Variants in TENM4 observed in about 807,000 individuals in gnomAD.
The protein encoded by TENM4 is teneurin transmembrane protein 4, also known as teneurin-4.
A neutral mutation model predicts 243.3 loss-of-function variants in TENM4; 82 were observed. The observed-to-expected ratio is 0.34, with a 90% CI of 0.28 to 0.40. TENM4 has a LOEUF of 0.40. Among genes scored for constraint, TENM4 ranks in the 10% least tolerant of loss-of-function variants. TENM4 has a pLI of 1.00. For missense variants in TENM4, 3,138 were observed against 3,673.3 expected (o/e 0.85, Z 3.77); for synonymous variants, 1,412 against 1,456.3 (o/e 0.97, Z 0.69).
intron 6 of TENM4, among the ~76,000 whole-genome samples, chr11:79,054,502 C>CT (rs35951915): frequency 0.021 from 3,042 of 144,028 alleles, 41 homozygotes; most frequent in Non-Finnish European, 0.03. Context: ...CAGGTACCAT[C>CT]TTTTTTTTTT....
intron 6 of TENM4, among the ~76,000 whole-genome samples, chr11:78,962,370 C>A (rs1857346243): frequency 6.9e-6 from 1 of 145,196 alleles, no homozygotes; most frequent in Non-Finnish European, 1.5e-5. Flanking sequence ...ACCACAAAGA[C>A]AAACACAGAC....
At chr11:79,143,162 G>A (rs185611880) in intron 4 of TENM4, among the ~76,000 whole-genome samples, 5 of 152,032 alleles carry the variant, frequency 3.3e-5, no homozygotes, top group South Asian at 2.1e-4. Context: ...TTGACCCAGC[G>A]ATCCCATTAC....
At chr11:78,821,101 C>A (rs2136122099) in intron 12 of TENM4, among the ~76,000 whole-genome samples, 1 of 152,324 alleles carries the variant, frequency 6.6e-6, no homozygotes, top group South Asian at 2.1e-4. Flanking sequence ...TCTGTGCCAA[C>A]ATTTGAATTG....
chr11:78,706,503 C>G (rs1859252824), intron 27 of TENM4, among the ~76,000 whole-genome samples: 1 of 152,156 alleles, frequency 6.6e-6, no homozygotes, highest in Non-Finnish European at 1.5e-5. Context: ...GCCAGTGACA[C>G]CTGCGCAAAT....
At chr11:78,810,791 G>A (rs553552) in intron 14 of TENM4, among the ~76,000 whole-genome samples, 111,926 of 152,058 alleles carry the variant, frequency 0.74, 42,495 homozygotes, top group Non-Finnish European at 0.84. Flanking sequence ...TGACGCCTGG[G>A]AGAGGGCTCT....
intron 4 of TENM4, among the ~76,000 whole-genome samples, chr11:79,138,331 T>TATATATATATATA (rs1555015535): frequency 3.9e-5 from 3 of 76,132 alleles, no homozygotes; most frequent in African/African-American, 1.9e-4. Context: ...ATATATATAT[T>TATATATATATATA]ATATATATAA....
intron 9 of TENM4, among the ~76,000 whole-genome samples, chr11:78,875,169 C>A (rs150993130): frequency 3.3e-5 from 5 of 152,280 alleles, no homozygotes; most frequent in African/African-American, 1.2e-4. Flanking sequence ...GCACAGTACA[C>A]GGGGCAGGAC....
At chr11:78,992,552 T>G (rs1333701251) in intron 6 of TENM4, among the ~76,000 whole-genome samples, 2 of 152,204 alleles carry the variant, frequency 1.3e-5, no homozygotes, top group Non-Finnish European at 2.9e-5. Flanking sequence ...TGGTGGTATG[T>G]GAACTCATTT....
At chr11:79,338,555 G>A (rs1857190948) in intron 1 of TENM4, among the ~76,000 whole-genome samples, 4 of 152,198 alleles carry the variant, frequency 2.6e-5, no homozygotes. Flanking sequence ...CAGAGCAGGT[G>A]GAAAGTTGAC....
intron 30 of TENM4, among the ~76,000 whole-genome samples, chr11:78,673,811 G>A (rs1407022216): frequency 2.0e-5 from 3 of 152,170 alleles, no homozygotes; most frequent in Non-Finnish European, 4.4e-5. Context: ...AAATTCTAAG[G>A]CCTTGAAAAT....
intron 1 of TENM4, among the ~76,000 whole-genome samples, chr11:79,388,592 C>A (rs191060283): frequency 2.6e-5 from 4 of 152,300 alleles, no homozygotes; most frequent in African/African-American, 9.6e-5. Flanking sequence ...TGCACACAGG[C>A]AGGAGTTCCT....
At chr11:78,711,665 C>T (rs78371004) in intron 26 of TENM4, among the ~76,000 whole-genome samples, 1 of 152,270 alleles carries the variant, frequency 6.6e-6, no homozygotes, top group East Asian at 1.9e-4. Context: ...GGGGCTGAGA[C>T]ACTGTAAATC....
At chr11:79,000,225 A>T (rs989837122) in intron 6 of TENM4, among the ~76,000 whole-genome samples, 8 of 152,222 alleles carry the variant, frequency 5.3e-5, no homozygotes, top group Non-Finnish European at 1.0e-4. Flanking sequence ...CTGCTAGGAG[A>T]CCTGCCTCAC....
intron 1 of TENM4, among the ~76,000 whole-genome samples, chr11:79,298,241 ACCT>A (rs1379938191): frequency 2.0e-5 from 3 of 152,228 alleles, no homozygotes; most frequent in Middle Eastern, 3.4e-3. Context: ...AGGTTCAGTT[ACCT>A]CATATGAAAA....
chr11:78,702,863 A>T (rs1037881065), intron 27 of TENM4, among the ~76,000 whole-genome samples: 1 of 152,190 alleles, frequency 6.6e-6, no homozygotes, highest in African/African-American at 2.4e-5. Context: ...GGAAAGGCAG[A>T]TGGAGTCTGG....
Position 78,935,529 on chromosome 11 carries a change from A to C in TENM4, c.494-32006T>G, listed in dbSNP as rs551571860. On this transcript the variant is annotated intron_variant, in intron 6 of 33. Transcript: ENST00000278550. ...AATTGTACCAAAGCTAATCGGCCAA[A>C]TGAATCTGTTTAACTATACAGTTCC... 2.0e-5 allele frequency among the ~76,000 whole-genome samples: 3 copies of C among 152,318 alleles called. No individual in the cohort carries two copies. In the East Asian group the frequency reaches 5.8e-4, roughly 29 times the overall value.
At chr11:79,043,378 T>C (rs576087671) in intron 6 of TENM4, among the ~76,000 whole-genome samples, 4 of 152,296 alleles carry the variant, frequency 2.6e-5, no homozygotes, top group East Asian at 3.9e-4. Flanking sequence ...ATATGAGTAA[T>C]TCAGGCCTAT....
intron 28 of TENM4, among the ~76,000 whole-genome samples, chr11:78,700,724 ATGAGCTACT>A (rs1346896506): frequency 6.6e-6 from 1 of 152,226 alleles, no homozygotes; most frequent in Non-Finnish European, 1.5e-5. Flanking sequence ...GAATAAAGAA[ATGAGCTACT>A]TGAGGTGGGC....
At chr11:78,942,971 C>G (rs937766536) in intron 6 of TENM4, among the ~76,000 whole-genome samples, 1 of 152,124 alleles carries the variant, frequency 6.6e-6, no homozygotes, top group Non-Finnish European at 1.5e-5. Context: ...CCTGTCAGGC[C>G]GGAAGTGCTC....
Sources: allele counts gnomAD v4.1 joint callset (sites outside exome capture counted in the v4.1 genomes callset), GRCh38; gene constraint gnomAD v4.1.1; transcripts MANE v1.5; gene names NCBI Gene and HGNC (gene_info 2026-07-23, HGNC 2026-07-21).